ALDH5A1: variants seen among roughly 807,000 people sequenced by gnomAD.
The protein encoded by ALDH5A1 is aldehyde dehydrogenase 5 family member A1.
In ALDH5A1, 33 loss-of-function variants were observed where a neutral mutation model predicts 54.7. That is an observed-to-expected ratio of 0.60 (90% CI 0.46 to 0.81). ALDH5A1 has a LOEUF of 0.81. ALDH5A1 is among the 30% of genes least tolerant of loss of function. ALDH5A1 has a pLI of 0.00. For missense variants in ALDH5A1, 657 were observed against 711.0 expected (o/e 0.92, Z 0.86); for synonymous variants, 294 against 292.7 (o/e 1.00, Z -0.05).
intron 7 of ALDH5A1, among the ~76,000 whole-genome samples, chr6:24,524,975 A>G (rs1270899321): frequency 6.6e-6 from 1 of 152,196 alleles, no homozygotes; most frequent in Non-Finnish European, 1.5e-5. Context: ...TTTTCCCCAA[A>G]GGGAAGACGC....
chr6:24,505,672 T>TA (rs368928871), intron 4 of ALDH5A1, among the ~76,000 whole-genome samples: 23 of 152,120 alleles, frequency 1.5e-4, no homozygotes, highest in African/African-American at 3.9e-4. Flanking sequence ...CCACCCTGTC[T>TA]AAAAATCACA....
At chr6:24,503,924 A>C (rs1016563544) in intron 3 of ALDH5A1, among the ~76,000 whole-genome samples, 6 of 152,240 alleles carry the variant, frequency 3.9e-5, no homozygotes, top group Non-Finnish European at 8.8e-5. Context: ...ATAAGGTATC[A>C]CATCTGCCTG....
rs577206813 is a variant in ALDH5A1, at chr6:24,498,992, C to T, written c.355-3531C>T. Reference sequence around the variant, plus strand: ...GTGGGCGCCTGTAATCCCAGCTACTCAGGAGGCTGAGCCAAGGAGAATTGC... The same window carrying T: ...GTGGGCGCCTGTAATCCCAGCTACTTAGGAGGCTGAGCCAAGGAGAATTGC... On this transcript the variant is annotated intron_variant, in intron 1 of 9. Transcript: ENST00000357578. Among the ~76,000 whole-genome samples, 4 of 151,170 alleles carry T rather than the reference C, an allele frequency of 2.6e-5. 1 individual carries two copies. Among genetic ancestry groups the T allele is most frequent in the Admixed American group, 2.6e-4 (4 of 15,130 alleles).
rs1390389121 is a variant in ALDH5A1, at chr6:24,495,021, A to C, written c.25A>C (p.Ser9Arg). 9 of 1,335,088 alleles carry C rather than the reference A, an allele frequency of 6.7e-6. No individual in the cohort carries two copies. The highest frequency in any genetic ancestry group is 1.5e-5 in the African/African-American group (1 of 66,112). The allele number at this position is 1,335,088 out of a possible 1,614,324, so 82.7% of individuals were successfully genotyped here. ...CATGGCGACCTGCATTTGGCTGCGG[A>C]GCTGTGGGGCCCGGCGCCTCGGGTC... Reference protein sequence around the residue: MATCIWLRSCGARRLGSTF... With the variant: MATCIWLRRCGARRLGSTF... Residue 9 changes from serine to arginine, a missense_variant, in exon 1 of 10, where the codon AGC (serine) becomes CGC (arginine). Ser to Arg is a moderately radical substitution (Grantham distance 110). This residue lies in a region of ALDH5A1 where 232 missense variants were observed against 194.6 expected (regional missense o/e 1.19). Transcript: ENST00000357578.
intron 6 of ALDH5A1, 68 bp from the exon 7 acceptor site, chr6:24,522,699 C>T: frequency 6.3e-7 from 1 of 1,581,416 alleles, no homozygotes; most frequent in Non-Finnish European, 8.7e-7. Flanking sequence ...CGGTAGCAGC[C>T]ACACGTTCAC....
chr6:24,526,892 TATATATA>T (rs1759810608), intron 7 of ALDH5A1, among the ~76,000 whole-genome samples: 2 of 96,016 alleles, frequency 2.1e-5, no homozygotes, highest in African/African-American at 3.2e-5. Context: ...ATATATTCTA[TATATATA>T]TCTACTATAT....
intron 4 of ALDH5A1, 65 bp from the exon 5 acceptor site, chr6:24,515,102 C>CTTTTTTTTTTTTTTTTTTCTTTTT: frequency 1.1e-6 from 1 of 927,262 alleles, no homozygotes. Flanking sequence ...TTTCTCTTTT[C>CTTTTTTTTTTTTTTTTTTCTTTTT]TTTTTTTTTT....
chr6:24,502,662 T>A, intron 2 of ALDH5A1, 56 bp downstream of exon 2: 1 of 1,410,596 alleles, frequency 7.1e-7, no homozygotes, highest in Non-Finnish European at 1.0e-6. Flanking sequence ...ATTTTTACAC[T>A]AAACTTGGGA....
intron 2 of ALDH5A1, 56 bp downstream of exon 2, chr6:24,502,662 T>C (rs543406297): frequency 2.1e-6 from 3 of 1,410,480 alleles, no homozygotes; most frequent in African/African-American, 1.4e-5. Flanking sequence ...ATTTTTACAC[T>C]AAACTTGGGA....
chr6:24,520,415 C>T lies in ALDH5A1; in HGVS notation c.885C>T (p.His295=), dbSNP rs367554353. 36 of 1,613,968 alleles carry T rather than the reference C, an allele frequency of 2.2e-5. No homozygotes were observed. Among genetic ancestry groups the T allele is most frequent in the South Asian group, 3.3e-5 (3 of 91,082 alleles). The change falls in exon 6 of 10, where the codon CAC becomes CAT. Residue 295 remains histidine, a synonymous_variant. Coordinates refer to ENST00000357578, the MANE Select transcript of ALDH5A1 (RefSeq NM_001080.3). ...STTTGKILLH[H]AANSVKRVSM... The stretch of plus-strand genomic sequence containing the variant: ...TCTGCTCACAGATCCTGTTGCACCA[C>T]GCAGCAAACTCTGTGAAAAGGGTCT...
chr6:24,528,193 T>A (rs762046696), intron 8 of ALDH5A1, 27 bp downstream of exon 8: 1 of 1,612,732 alleles, frequency 6.2e-7, no homozygotes, highest in Non-Finnish European at 8.5e-7. Flanking sequence ...AGCGGGGAGA[T>A]GGGAGGAAGA....
At chr6:24,506,272 T>TTTTTTTTTTTTG (rs1395923415) in intron 4 of ALDH5A1, among the ~76,000 whole-genome samples, 1 of 114,548 alleles carries the variant, frequency 8.7e-6, no homozygotes, top group Non-Finnish European at 1.7e-5. Flanking sequence ...TTTTTTTTTT[T>TTTTTTTTTTTTG]TGAGACAGTC....
At chr6:24,528,785 C>T (rs1318691102) in intron 8 of ALDH5A1, among the ~76,000 whole-genome samples, 1 of 148,874 alleles carries the variant, frequency 6.7e-6, no homozygotes, top group East Asian at 2.0e-4. Context: ...CTCAGCGATT[C>T]TCGTGCTTCA....
chr6:24,517,886 G>C (rs945735470), intron 5 of ALDH5A1, among the ~76,000 whole-genome samples: 3 of 152,248 alleles, frequency 2.0e-5, no homozygotes, highest in Non-Finnish European at 1.5e-5. Context: ...TTCTAGGCAT[G>C]CCTGCCCTGC....
intron 4 of ALDH5A1, among the ~76,000 whole-genome samples, chr6:24,505,813 A>G (rs538247810): frequency 2.4e-4 from 37 of 151,996 alleles, no homozygotes; most frequent in African/African-American, 8.9e-4. Flanking sequence ...TACTAAAAAT[A>G]CAAAATTAGC....
chr6:24,495,216 G>A lies in ALDH5A1; in HGVS notation c.220G>A (p.Ala74Thr), dbSNP rs1411234399. The A allele has an allele frequency of 4.6e-6, 7 of 1,508,582 alleles. No homozygotes were observed. Among genetic ancestry groups the A allele is most frequent in the Middle Eastern group, 2.3e-4 (1 of 4,332 alleles). 93.4% of individuals were successfully genotyped at this position (1,508,582 alleles called of 1,614,324 possible). The change falls in exon 1 of 10, where the codon GCC (alanine) becomes ACC (threonine). Residue 74 changes from alanine to threonine, a missense_variant. By Grantham distance (58) the Ala-to-Thr change is moderately conservative. This residue lies in a region of ALDH5A1 where 232 missense variants were observed against 194.6 expected (regional missense o/e 1.19). Coordinates refer to ENST00000357578, the MANE Select transcript of ALDH5A1 (RefSeq NM_001080.3). ...FVGGRWLPAA[A>T]TFPVQDPASG... Reference sequence around the variant, plus strand: ...GGGCGGCCGCTGGCTCCCGGCCGCCGCCACCTTCCCCGTGCAAGACCCGGC... The same window carrying A: ...GGGCGGCCGCTGGCTCCCGGCCGCCACCACCTTCCCCGTGCAAGACCCGGC...
chr6:24,516,325 A>G (rs1272687219), intron 5 of ALDH5A1, among the ~76,000 whole-genome samples: 1 of 150,556 alleles, frequency 6.6e-6, no homozygotes, highest in African/African-American at 2.4e-5. Flanking sequence ...AGTCCCACCT[A>G]CTTAGGAGGC....
rs368508827 is a variant in ALDH5A1, at chr6:24,530,774, G to A, written c.1344-1345G>A. 4.4e-4 allele frequency among the ~76,000 whole-genome samples: 67 copies of A among 152,338 alleles called. 1 individual carries two copies. The highest frequency in any genetic ancestry group is 1.6e-3 in the African/African-American group (65 of 41,578). ...CATGGCTGGTGTACCTGCTGGGCAC[G>A]AGCACTGGCTCACTGCCCCAAGCCA... On this transcript the variant is annotated intron_variant, in intron 8 of 9. Coordinates refer to ENST00000357578, the MANE Select transcript of ALDH5A1 (RefSeq NM_001080.3).
chr6:24,504,384 C>T (rs759838416), intron 3 of ALDH5A1, among the ~76,000 whole-genome samples: 10 of 152,218 alleles, frequency 6.6e-5, no homozygotes, highest in Non-Finnish European at 1.5e-4. Flanking sequence ...AATAAATCAT[C>T]TGCCATTTTC....
Sources: gnomAD v4.1 joint callset for allele counts (sites outside exome capture counted in the v4.1 genomes callset) on GRCh38, gnomAD v4.1.1 for gene constraint, gnomAD v4.1.1 regional missense constraint, MANE v1.5 for transcripts, NCBI Gene and HGNC (gene_info 2026-07-23, HGNC 2026-07-21) for gene names.